The following MBNL1 variants were observed in gnomAD, a reference collection of about 807,000 sequenced individuals.
MBNL1 encodes the protein muscleblind-like protein 1.
MBNL1 carries 8 observed loss-of-function variants against 42.2 expected under a neutral mutation model. That is an observed-to-expected ratio of 0.19 (90% CI 0.11 to 0.34). MBNL1 has a LOEUF of 0.34. Ranked by LOEUF, MBNL1 falls within the 10% of genes least tolerant of loss-of-function variation. MBNL1 has a pLI of 1.00. For synonymous variants in MBNL1, 169 were observed against 173.9 expected, an observed-to-expected ratio of 0.97 and a Z score of 0.22; for missense variants, 309 against 495.3, an observed-to-expected ratio of 0.62 and a Z score of 3.57.
intron 2 of MBNL1, among the ~76,000 whole-genome samples, chr3:152,324,217 G>C (rs983172297): frequency 2.6e-5 from 4 of 152,186 alleles, no homozygotes; most frequent in Non-Finnish European, 5.9e-5. Context: ...CTTGAGGAAT[G>C]TCTATGAATT....
At chr3:152,437,583 G>GT (rs1009032794) in intron 4 of MBNL1, among the ~76,000 whole-genome samples, 1 of 151,946 alleles carries the variant, frequency 6.6e-6, no homozygotes, top group Non-Finnish European at 1.5e-5. Context: ...TCATTTTCTT[G>GT]TTTTTAACAC....
intron 3 of MBNL1, among the ~76,000 whole-genome samples, chr3:152,430,373 C>T (rs1211364082): frequency 1.3e-5 from 2 of 152,104 alleles, no homozygotes; most frequent in East Asian, 1.9e-4. Flanking sequence ...TAAAAATGCA[C>T]TATCTGGAAA....
rs1027921635 is a variant in MBNL1 at position 152,286,476 on chromosome 3, A to T, written c.-789-12929A>T. Among the ~76,000 whole-genome samples, 82 of 138,074 alleles carry T rather than the reference A, an allele frequency of 5.9e-4. 3 individuals carry two copies. Among genetic ancestry groups the T allele is most frequent in the Admixed American group, 2.0e-3 (27 of 13,496 alleles). The allele number at this position is 138,074 out of a possible 152,430, so 90.6% of individuals were successfully genotyped here. A position where few individuals can be genotyped will look rare whatever the true frequency, so the allele number is the denominator to read the frequency against. On this transcript the variant is annotated intron_variant, in intron 1 of 9. Coordinates refer to ENST00000324210, the MANE Select transcript of MBNL1 (RefSeq NM_021038.5). The stretch of plus-strand genomic sequence containing the variant: ...ATAATATAAATATATTTTATTTATA[A>T]TATAAATATATTTTATTTATAATAT...
intron 2 of MBNL1, among the ~76,000 whole-genome samples, chr3:152,366,472 T>G (rs2153214207): frequency 6.6e-6 from 1 of 152,332 alleles, no homozygotes; most frequent in African/African-American, 2.4e-5. Context: ...CAGCACTTAA[T>G]AAGCTGGCAG....
intron 3 of MBNL1, among the ~76,000 whole-genome samples, chr3:152,421,382 C>T (rs2098802255): frequency 6.6e-6 from 1 of 152,124 alleles, no homozygotes. Context: ...GGATCCCACC[C>T]CCATGGAGCC....
chr3:152,415,006 G>A lies in MBNL1; in HGVS notation c.240G>A (p.Glu80=). The change falls in exon 3 of 10, where the codon GAG becomes GAA. Residue 80 remains glutamate (E), a synonymous_variant. Transcript: ENST00000324210. ...CCCCACATTTAAAAACGCAGTTGGA[G>A]ATAAATGGACGCAATAACTTGATTC... ...HPPPHLKTQL[E]INGRNNLIQQ... is the part of the protein sequence containing the mutation. 6.2e-7 allele frequency: 1 copy of A among 1,608,872 alleles called. No homozygotes were observed. The highest frequency in any genetic ancestry group is 8.5e-7 in the Non-Finnish European group (1 of 1,178,448).
At chr3:152,254,167 T>C (rs906822236) in intron 2 of MBNL1, among the ~76,000 whole-genome samples, 2 of 152,192 alleles carry the variant, frequency 1.3e-5, no homozygotes, top group African/African-American at 4.8e-5. Flanking sequence ...TAAACTGCCA[T>C]GCAAATGTCA....
chr3:152,406,437 A>T (rs1297304272), intron 2 of MBNL1, among the ~76,000 whole-genome samples: 1 of 152,196 alleles, frequency 6.6e-6, no homozygotes, highest in Non-Finnish European at 1.5e-5. Context: ...CTGATTTCTC[A>T]CAGGCAAAAG....
Position 152,449,028 on chromosome 3 carries a change from ATAT to A in MBNL1, c.961+1259_961+1261del, listed in dbSNP as rs200224861. Among the ~76,000 whole-genome samples, 1,107 of 152,286 alleles carry A rather than the reference ATAT, an allele frequency of 7.3e-3. 20 individuals are homozygous for A. The highest frequency in any genetic ancestry group is 0.026 in the African/African-American group (1,061 of 41,550). On this transcript the variant is annotated intron_variant, in intron 6 of 9. Transcript: ENST00000324210. ...CCTCACATTTCTCTTATGTTTTGTA[ATAT>A]TATAACTTTCTTCTCAACATGCATA...
At chr3:152,338,266 C>G in intron 2 of MBNL1, 1 of 985,348 alleles carries the variant, frequency 1.0e-6, no homozygotes, top group Non-Finnish European at 1.2e-6. Context: ...ACTACCTGAG[C>G]TCTGTGCCAA....
In MBNL1 at chr3:152,411,412, C is replaced by T. The variant is rs577435637; in HGVS notation, c.175-3529C>T. On this transcript the variant is annotated intron_variant, in intron 2 of 9. Coordinates refer to ENST00000324210, the MANE Select transcript of MBNL1 (RefSeq NM_021038.5). ...GCGGGCACCTGTAGTCCCAGCTACT[C>T]GGGAGGCTGAGAAAGGAGAATGGTG... 2.6e-5 allele frequency among the ~76,000 whole-genome samples: 4 copies of T among 152,090 alleles called. No individual in the cohort carries two copies. The East Asian group carries it at 5.8e-4, about 22-fold the overall frequency.
intron 2 of MBNL1, among the ~76,000 whole-genome samples, chr3:152,302,930 C>G (rs937175004): frequency 1.1e-4 from 17 of 151,542 alleles, no homozygotes; most frequent in Admixed American, 3.9e-4. Flanking sequence ...ATGGCTGTAC[C>G]CTTCAGCTGT....
chr3:152,428,614 A>C (rs1034743515), intron 3 of MBNL1, among the ~76,000 whole-genome samples: 1 of 152,240 alleles, frequency 6.6e-6, no homozygotes, highest in Non-Finnish European at 1.5e-5. Flanking sequence ...TAGAGACCTT[A>C]CTTACAGTCA....
chr3:152,349,753 A>G (rs982689885), intron 2 of MBNL1, among the ~76,000 whole-genome samples: 1 of 136,860 alleles, frequency 7.3e-6, no homozygotes, highest in East Asian at 2.5e-4. Context: ...GGCACAGTAA[A>G]TTGTCTGTGT....
At chr3:152,436,272 A>C (rs1391141536) in intron 4 of MBNL1, among the ~76,000 whole-genome samples, 1 of 152,232 alleles carries the variant, frequency 6.6e-6, no homozygotes, top group Non-Finnish European at 1.5e-5. Flanking sequence ...TAATGCTCAA[A>C]ACAATCTTAT....
intron 1 of MBNL1, among the ~76,000 whole-genome samples, chr3:152,282,663 TAAAA>T: frequency 6.6e-6 from 1 of 151,610 alleles, no homozygotes; most frequent in East Asian, 1.9e-4. Flanking sequence ...TTTCAATAAT[TAAAA>T]AAAAATTATT....
intron 3 of MBNL1, among the ~76,000 whole-genome samples, chr3:152,430,426 A>G (rs376592500): frequency 5.3e-5 from 8 of 152,248 alleles, no homozygotes; most frequent in African/African-American, 1.9e-4. Context: ...AGGAATGATA[A>G]TGAATAGCTT....
chr3:152,271,416 A>T (rs966715348), intron 1 of MBNL1, among the ~76,000 whole-genome samples: 14 of 152,326 alleles, frequency 9.2e-5, no homozygotes, highest in Admixed American at 9.2e-4. Flanking sequence ...CCTTATCTTC[A>T]TTATAAGAAA....
chr3:152,375,138 C>A (rs1285300133), intron 2 of MBNL1, among the ~76,000 whole-genome samples: 1 of 152,116 alleles, frequency 6.6e-6, no homozygotes. Flanking sequence ...CCACACTTAC[C>A]CAGCGGAGTT....
Sources: allele counts gnomAD v4.1 joint callset (sites outside exome capture counted in the v4.1 genomes callset), GRCh38; gene constraint gnomAD v4.1.1; transcripts MANE v1.5; gene names NCBI Gene and HGNC (gene_info 2026-07-23, HGNC 2026-07-21).